Variants in ANKRD27 observed in about 807,000 individuals in gnomAD.
ANKRD27 encodes the protein ankyrin repeat domain 27.
Under a neutral mutation model 129.7 loss-of-function variants are expected in ANKRD27, and 112 were observed. The ratio of observed to expected loss-of-function variants is 0.86; its 90% CI spans 0.74 to 1.01. ANKRD27 has a LOEUF of 1.01. ANKRD27 is among the 50% of genes least tolerant of loss of function. The probability of loss-of-function intolerance (pLI) is 0.00; values close to 1 mark genes in which losing one functional copy is unlikely to be tolerated. For synonymous variants in ANKRD27, 516 were observed against 511.2 expected, an observed-to-expected ratio of 1.01 and a Z score of -0.13; for missense variants, 1,258 against 1,300.5, an observed-to-expected ratio of 0.97 and a Z score of 0.50.
At chr19:32,618,600 T>C (rs1360997384) in intron 20 of ANKRD27, among the ~76,000 whole-genome samples, 2 of 152,166 alleles carry the variant, frequency 1.3e-5, no homozygotes, top group African/African-American at 2.4e-5. Flanking sequence ...TGCTATGGCT[T>C]TGCATGGAGC....
intron 10 of ANKRD27, among the ~76,000 whole-genome samples, chr19:32,641,199 C>T (rs528148257): frequency 1.3e-5 from 2 of 151,398 alleles, no homozygotes; most frequent in Admixed American, 1.3e-4. Flanking sequence ...CCGCGCCCAG[C>T]CGACCCTGTC....
rs370994601 is a variant in ANKRD27 at position 32,598,260 on chromosome 19, G to A, written c.3038C>T (p.Pro1013Leu). ...PERPGLTQTG[P>L]GHRRMLRRHT... Reference sequence around the variant, plus strand: ...TCTCCGCAGCATCCGTCTGTGTCCAGGGCCAGTCTGTGTCAGTCCAGGCCT... The same window carrying A: ...TCTCCGCAGCATCCGTCTGTGTCCAAGGCCAGTCTGTGTCAGTCCAGGCCT... Residue 1013 changes from proline to leucine, a missense_variant, in exon 29 of 29, where the codon CCT (proline) becomes CTT (leucine). By Grantham distance (98) the Pro-to-Leu change is moderately conservative. Transcript: ENST00000306065. 72 of 1,614,066 alleles carry A rather than the reference G, an allele frequency of 4.5e-5. No homozygotes were observed. Among genetic ancestry groups the A allele is most frequent in the Non-Finnish European group, 6.0e-5 (71 of 1,180,040 alleles).
intron 18 of ANKRD27, among the ~76,000 whole-genome samples, chr19:32,620,393 T>C (rs1971990884): frequency 6.7e-6 from 1 of 149,336 alleles, no homozygotes; most frequent in East Asian, 2.0e-4. Context: ...ACCCCATCTC[T>C]AATAAAAATA....
At chr19:32,656,103 G>GGAAGGAAAAGAAAAGAAAAGA (rs753712685) in intron 2 of ANKRD27, among the ~76,000 whole-genome samples, 1 of 123,702 alleles carries the variant, frequency 8.1e-6, no homozygotes, top group South Asian at 2.7e-4. Flanking sequence ...AAGAAAGAAA[G>GGAAGGAAAAGAAAAGAAAAGA]AAAGAAAAGA....
chr19:32,631,745 A>T (rs926372810), intron 12 of ANKRD27, among the ~76,000 whole-genome samples: 1 of 152,174 alleles, frequency 6.6e-6, no homozygotes, highest in African/African-American at 2.4e-5. Context: ...GACTGCGTGT[A>T]TATGTGGAAT....
Position 32,597,969 on chromosome 19 carries a change from G to A in ANKRD27, c.*176C>T, listed in dbSNP as rs1971593916. On this transcript the variant is annotated 3_prime_UTR_variant, in exon 29 of 29. Coordinates refer to ENST00000306065, the MANE Select transcript of ANKRD27 (RefSeq NM_032139.3). The stretch of plus-strand genomic sequence containing the variant: ...TTTGAAGAGGAGAGAGATGGTGGTG[G>A]TTAACTTTTTTGTTGCATTCTTTCC... 3.3e-6 allele frequency: 2 copies of A among 612,922 alleles called. No individual in the cohort carries two copies. The highest frequency in any genetic ancestry group is 5.8e-6 in the Non-Finnish European group (2 of 346,578). The allele number at this position is 612,922 out of a possible 1,614,324, so 38.0% of individuals were successfully genotyped here.
intron 2 of ANKRD27, among the ~76,000 whole-genome samples, chr19:32,657,520 A>G (rs930478663): frequency 2.0e-5 from 3 of 150,416 alleles, no homozygotes; most frequent in African/African-American, 7.4e-5. Context: ...CCGGCTACTC[A>G]GGAGGCCGAG....
intron 1 of ANKRD27, among the ~76,000 whole-genome samples, chr19:32,663,836 C>T (rs1967692145): frequency 6.6e-6 from 1 of 151,814 alleles, no homozygotes; most frequent in African/African-American, 2.4e-5. Context: ...GCGGGCGGAT[C>T]ACGAGGTCAG....
intron 12 of ANKRD27, chr19:32,637,458 A>C (rs1353658502): frequency 6.6e-6 from 1 of 152,202 alleles, no homozygotes; most frequent in East Asian, 1.9e-4. Context: ...AAAACCAAGG[A>C]AACAATGGCA....
chr19:32,614,045 A>G (rs421607), intron 22 of ANKRD27, among the ~76,000 whole-genome samples: 88,737 of 151,820 alleles, frequency 0.58, 27,049 homozygotes, highest in Non-Finnish European at 0.69. Context: ...GAGAACAGGT[A>G]AGTGGTTGCC....
At chr19:32,644,221 C>T in intron 5 of ANKRD27, 104 bp downstream of exon 5, 1 of 1,305,130 alleles carries the variant, frequency 7.7e-7, no homozygotes, top group Non-Finnish European at 1.1e-6. Context: ...AGACTTCAAA[C>T]AGTGAGGCAG....
chr19:32,624,510 C>A (rs1202928529), intron 17 of ANKRD27, among the ~76,000 whole-genome samples: 1 of 152,192 alleles, frequency 6.6e-6, no homozygotes, highest in Non-Finnish European at 1.5e-5. Flanking sequence ...CCTGGCCAGG[C>A]CTGAGCCCCA....
intron 1 of ANKRD27, among the ~76,000 whole-genome samples, chr19:32,662,311 C>CAAAAA (rs34066529): frequency 5.3e-5 from 2 of 37,994 alleles, no homozygotes; most frequent in African/African-American, 1.1e-4. Context: ...ACTCAGTCTC[C>CAAAAA]AAAAAAAAAA....
At chr19:32,668,665 G>A (rs1967807476) in intron 1 of ANKRD27, among the ~76,000 whole-genome samples, 1 of 151,510 alleles carries the variant, frequency 6.6e-6, no homozygotes, top group Non-Finnish European at 1.5e-5. Context: ...TTGTAGAGAT[G>A]GGGTCTCACT....
chr19:32,640,047 C>T (rs971025821), intron 11 of ANKRD27, among the ~76,000 whole-genome samples: 15 of 152,264 alleles, frequency 9.9e-5, no homozygotes, highest in Non-Finnish European at 2.1e-4. Flanking sequence ...CTGCAAGCTC[C>T]GCCTCCTGGG....
rs375598529 is a variant in ANKRD27, at chr19:32,603,827, CTG to C, written c.2655+434_2655+435del. On this transcript the variant is annotated intron_variant, in intron 25 of 28. Coordinates refer to ENST00000306065, the MANE Select transcript of ANKRD27 (RefSeq NM_032139.3). ...GTGCTGGGATTACAGGCATGAGCCACTGTGCCTGGCCTCAAGGAGTTTTAAAT... is the reference window on the plus strand; with the variant it reads ...GTGCTGGGATTACAGGCATGAGCCACTGCCTGGCCTCAAGGAGTTTTAAAT... Among the ~76,000 whole-genome samples, 678 of 152,316 alleles carry C rather than the reference CTG, an allele frequency of 4.5e-3. 6 individuals are homozygous for C. The highest frequency in any genetic ancestry group is 0.015 in the African/African-American group (643 of 41,566).
chr19:32,636,820 T>A (rs2145294029), intron 12 of ANKRD27, among the ~76,000 whole-genome samples: 1 of 151,916 alleles, frequency 6.6e-6, no homozygotes, highest in South Asian at 2.1e-4. Context: ...TAACCTCAGC[T>A]CACTGCAACC....
Position 32,643,439 on chromosome 19 carries a change from C to T in ANKRD27, c.631G>A (p.Ala211Thr), listed in dbSNP as rs376062896. 3.7e-6 allele frequency: 6 copies of T among 1,613,742 alleles called. No homozygotes were observed. The Admixed American group carries it at 5.0e-5, about 13-fold the overall frequency. The change falls in exon 7 of 29, where the codon GCA becomes ACA. Residue 211 changes from alanine to threonine, a missense_variant. Coordinates refer to ENST00000306065, the MANE Select transcript of ANKRD27 (RefSeq NM_032139.3). ...QEAQMNLMKQ[A>T]VEIYVHHEIY... ...CTCCGCCCCACCCTCACCTCCACTG[C>T]CTGCTTCATCAGGTTCATCTGGGCC...
chr19:32,600,895 A>T (rs1369473108), intron 26 of ANKRD27, among the ~76,000 whole-genome samples: 1 of 152,180 alleles, frequency 6.6e-6, no homozygotes, highest in Non-Finnish European at 1.5e-5. Context: ...AAAAAGTAGA[A>T]CAAGGACCCC....
Sources: gnomAD v4.1 joint callset for allele counts (sites outside exome capture counted in the v4.1 genomes callset) on GRCh38, gnomAD v4.1.1 for gene constraint, MANE v1.5 for transcripts, NCBI Gene and HGNC (gene_info 2026-07-23, HGNC 2026-07-21) for gene names.